Variants in ACYP2 observed in about 807,000 individuals in gnomAD.
ACYP2 encodes the protein acylphosphatase-2.
ACYP2 carries 12 observed loss-of-function variants against 11.2 expected under a neutral mutation model. That is an observed-to-expected ratio of 1.08 (90% CI 0.69 to 1.74). The LOEUF (loss-of-function observed/expected upper bound fraction) is 1.74, where lower values mean the gene tolerates loss of function less well. Among genes scored for constraint, ACYP2 ranks in the 40% most tolerant of loss-of-function variants. ACYP2 has a pLI of 0.00. For missense variants in ACYP2, 134 were observed against 101.9 expected, an observed-to-expected ratio of 1.31 and a Z score of -1.35; for synonymous variants, 43 against 32.2, an observed-to-expected ratio of 1.33 and a Z score of -1.13.
intron 6 of ACYP2, among the ~76,000 whole-genome samples, chr2:54,295,447 G>A (rs894240513): frequency 5.3e-5 from 8 of 152,082 alleles, no homozygotes; most frequent in Non-Finnish European, 8.8e-5. Context: ...TGAGGGTTTT[G>A]TTTTTTGTGA....
In ACYP2 at chr2:54,230,345, C is replaced by CT. The variant is rs1401915524; in HGVS notation, c.405-74335dup. The stretch of plus-strand genomic sequence containing the variant: ...AAAGTTGGTCTCCACAATCCTTTAC[C>CT]TTTTTTTTGTTTCGTTTTTTGTTTT... On this transcript the variant is annotated intron_variant, in intron 6 of 6. Transcript: ENST00000607452. Among the ~76,000 whole-genome samples, 15 of 152,028 alleles carry CT rather than the reference C, an allele frequency of 9.9e-5. No homozygotes were observed. The East Asian group carries it at 1.5e-3, about 16-fold the overall frequency.
intron 2 of ACYP2, among the ~76,000 whole-genome samples, chr2:54,034,879 AG>A (rs1381049190): frequency 2.6e-5 from 4 of 151,696 alleles, no homozygotes; most frequent in Non-Finnish European, 5.9e-5. Context: ...GCGTCGTGGC[AG>A]GCGACTATAA....
At chr2:54,255,209 C>T (rs556548317) in intron 6 of ACYP2, 2 of 1,614,180 alleles carry the variant, frequency 1.2e-6, no homozygotes, top group Non-Finnish European at 1.7e-6. Context: ...AAGGATCTGA[C>T]CTCATACACC....
intron 4 of ACYP2, chr2:54,065,421 T>C (rs1366833472): frequency 7.5e-6 from 3 of 398,454 alleles, no homozygotes; most frequent in African/African-American, 2.1e-5. Flanking sequence ...CATAAACTTG[T>C]TGGAGTTGGA....
chr2:54,233,256 A>T (rs1686321879), intron 6 of ACYP2, among the ~76,000 whole-genome samples: 1 of 151,850 alleles, frequency 6.6e-6, no homozygotes, highest in South Asian at 2.1e-4. Flanking sequence ...TACCTGTGAA[A>T]CTATCACCAT....
intron 2 of ACYP2, among the ~76,000 whole-genome samples, chr2:54,046,803 A>G (rs971294416): frequency 6.6e-6 from 1 of 152,194 alleles, no homozygotes; most frequent in Non-Finnish European, 1.5e-5. Context: ...AGGGGGCAAC[A>G]CACTTTCATT....
At chr2:54,210,181 C>T (rs980821562) in intron 6 of ACYP2, among the ~76,000 whole-genome samples, 10 of 149,722 alleles carry the variant, frequency 6.7e-5, no homozygotes, top group Non-Finnish European at 1.2e-4. Flanking sequence ...AACAGAGAAC[C>T]ATGGTACTAC....
chr2:54,039,069 C>A (rs1266619600), intron 2 of ACYP2, among the ~76,000 whole-genome samples: 2 of 151,862 alleles, frequency 1.3e-5, no homozygotes, highest in Non-Finnish European at 2.9e-5. Context: ...CAAGGAACAG[C>A]AAAGGGTGGG....
intron 2 of ACYP2, among the ~76,000 whole-genome samples, chr2:53,988,449 G>A (rs1417925587): frequency 6.6e-6 from 1 of 152,020 alleles, no homozygotes; most frequent in East Asian, 1.9e-4. Context: ...CACCCAGGCT[G>A]GAGTGCAGTG....
At chr2:54,190,402 C>T (rs1190612594) in intron 6 of ACYP2, among the ~76,000 whole-genome samples, 1 of 151,966 alleles carries the variant, frequency 6.6e-6, no homozygotes, top group Non-Finnish European at 1.5e-5. Context: ...CTCATTGTCT[C>T]CCCTTTCTCT....
chr2:54,266,076 A>G (rs1332558822), intron 6 of ACYP2, among the ~76,000 whole-genome samples: 1 of 152,366 alleles, frequency 6.6e-6, no homozygotes, highest in African/African-American at 2.4e-5. Flanking sequence ...AATTGCTGAC[A>G]TAAGTAACTC....
chr2:54,177,369 A>G (rs1683506227), intron 6 of ACYP2, among the ~76,000 whole-genome samples: 1 of 152,106 alleles, frequency 6.6e-6, no homozygotes, highest in Non-Finnish European at 1.5e-5. Flanking sequence ...CTAGAGCTAC[A>G]GGTGTTAGTG....
intron 6 of ACYP2, among the ~76,000 whole-genome samples, chr2:54,158,756 A>T (rs1198487573): frequency 6.6e-6 from 1 of 152,192 alleles, no homozygotes; most frequent in East Asian, 1.9e-4. Context: ...TGGCTGAGGA[A>T]GTTTTGCTCT....
chr2:54,066,169 G>C (rs1020007568), intron 4 of ACYP2: 1 of 152,194 alleles, frequency 6.6e-6, no homozygotes, highest in Non-Finnish European at 1.5e-5. Context: ...GGAGGGACCT[G>C]GTGGGAAGTG....
chr2:54,183,471 A>G (rs576290398), intron 6 of ACYP2, among the ~76,000 whole-genome samples: 1 of 152,166 alleles, frequency 6.6e-6, no homozygotes, highest in African/African-American at 2.4e-5. Context: ...TGTTCAGGCT[A>G]CAGTGAGCTG....
chr2:54,134,110 C>A (rs2103772704), intron 4 of ACYP2, among the ~76,000 whole-genome samples: 1 of 152,246 alleles, frequency 6.6e-6, no homozygotes, highest in East Asian at 1.9e-4. Flanking sequence ...AGAATCATTT[C>A]CATTTCAGTT....
At position 54,270,779 on chromosome 2, in the gene ACYP2, G is replaced by C. The variant is rs62140462; in HGVS notation, c.405-33909G>C. Among the ~76,000 whole-genome samples, 231 of 152,028 alleles carry C rather than the reference G, an allele frequency of 1.5e-3. 1 individual carries two copies. The highest frequency in any genetic ancestry group is 6.8e-3 in the Middle Eastern group (2 of 294). On this transcript the variant is annotated intron_variant, in intron 6 of 6. Coordinates refer to ENST00000607452, the MANE Select transcript of ACYP2 (RefSeq NM_001320586.2). ...ATACTTTAGGTTTTAGGATTTCCTG[G>C]GGAAATTCTGGAGACTAGAGCAGCA...
At chr2:54,068,387 C>T (rs1289219601) in intron 4 of ACYP2, among the ~76,000 whole-genome samples, 1 of 152,102 alleles carries the variant, frequency 6.6e-6, no homozygotes. Flanking sequence ...GCATCTGATC[C>T]AAACTGGGCC....
At position 54,134,474 on chromosome 2, in the gene ACYP2, T is replaced by C. The variant is rs145654779; in HGVS notation, c.278-979T>C. Among the ~76,000 whole-genome samples the C allele has an allele frequency of 3.3e-5, 5 of 152,320 alleles. No individual in the cohort carries two copies. In the East Asian group the frequency reaches 7.7e-4, roughly 23 times the overall value. ...TTAGTCCTTACATTTTAAGAAGATATCTTAAAAGTTGAGGACAGCTAAATT... is the reference window on the plus strand; with the variant it reads ...TTAGTCCTTACATTTTAAGAAGATACCTTAAAAGTTGAGGACAGCTAAATT... On this transcript the variant is annotated intron_variant, in intron 4 of 6. Coordinates refer to ENST00000607452, the MANE Select transcript of ACYP2 (RefSeq NM_001320586.2).
Sources: allele counts gnomAD v4.1 joint callset (sites outside exome capture counted in the v4.1 genomes callset), GRCh38; gene constraint gnomAD v4.1.1; transcripts MANE v1.5; gene names NCBI Gene and HGNC (gene_info 2026-07-23, HGNC 2026-07-21).